The following TERB1 variants were observed in gnomAD, a reference collection of about 807,000 sequenced individuals.
TERB1 encodes telomere repeat binding bouquet formation protein 1, also known as telomere repeats-binding bouquet formation protein 1.
TERB1 carries 63 observed loss-of-function variants against 92.3 expected under a neutral mutation model. The ratio of observed to expected loss-of-function variants is 0.68; its 90% CI spans 0.56 to 0.84. The LOEUF (loss-of-function observed/expected upper bound fraction) is 0.84. Ranked by LOEUF, TERB1 falls within the 40% of genes least tolerant of loss-of-function variation. The pLI is 0.00. For missense variants in TERB1, 709 were observed against 843.7 expected (o/e 0.84, Z 1.98); for synonymous variants, 252 against 283.9 (o/e 0.89, Z 1.13).
chr16:66,773,064 C>T (rs2018480527), intron 12 of TERB1, among the ~76,000 whole-genome samples: 1 of 151,850 alleles, frequency 6.6e-6, no homozygotes, highest in African/African-American at 2.4e-5. Flanking sequence ...CACAGTGGCT[C>T]ACACTTGTAA....
At chr16:66,794,770 C>A (rs1346312549) in intron 3 of TERB1, among the ~76,000 whole-genome samples, 3 of 151,948 alleles carry the variant, frequency 2.0e-5, no homozygotes, top group African/African-American at 7.2e-5. Flanking sequence ...ATTAGCTGGG[C>A]GTGGTGGTGG....
At chr16:66,780,776 TA>T (rs965898230) in intron 9 of TERB1, among the ~76,000 whole-genome samples, 2 of 152,216 alleles carry the variant, frequency 1.3e-5, no homozygotes, top group Admixed American at 1.3e-4. Flanking sequence ...TATCACTCAT[TA>T]AAGTTGGCTT....
chr16:66,770,683 C>T (rs897355217), intron 13 of TERB1, among the ~76,000 whole-genome samples: 2 of 152,008 alleles, frequency 1.3e-5, no homozygotes, highest in Admixed American at 6.6e-5. Context: ...TAAAACAAAA[C>T]TAATATACTC....
chr16:66,792,366 A>G (rs1028886507), intron 3 of TERB1, among the ~76,000 whole-genome samples: 1 of 152,206 alleles, frequency 6.6e-6, no homozygotes, highest in Non-Finnish European at 1.5e-5. Flanking sequence ...AACCAGGTAT[A>G]AGACAGAGAT....
In TERB1 at chr16:66,796,808, T is replaced by C; in HGVS notation, c.-10A>G. The C allele has an allele frequency of 6.6e-7, 1 of 1,520,322 alleles. No homozygotes were observed. The highest frequency in any genetic ancestry group is 8.9e-7 in the Non-Finnish European group (1 of 1,119,332). 94.2% of individuals were successfully genotyped at this position (1,520,322 alleles called of 1,614,324 possible). On this transcript the variant is annotated 5_prime_UTR_variant, in exon 3 of 19. In the 5' UTR this introduces an upstream ATG that the reference lacks. Transcript: ENST00000433154. ...TGTCTTCACTTTCCATGCTTGTCTA[T>C]ATTCTTTTTCCTTATATTTTGTCTA...
intron 9 of TERB1, among the ~76,000 whole-genome samples, chr16:66,781,113 G>C (rs576168320): frequency 9.2e-5 from 14 of 152,286 alleles, no homozygotes; most frequent in African/African-American, 2.9e-4. Context: ...GTGCAGTAGC[G>C]TGATCGTGGC....
At chr16:66,788,762 T>G (rs572600188) in intron 5 of TERB1, among the ~76,000 whole-genome samples, 13 of 151,942 alleles carry the variant, frequency 8.6e-5, no homozygotes, top group Non-Finnish European at 1.3e-4. Context: ...CTGATAGTTT[T>G]TGTGTGTGTG....
intron 3 of TERB1, among the ~76,000 whole-genome samples, chr16:66,791,457 A>G (rs1308888290): frequency 1.3e-5 from 2 of 152,156 alleles, no homozygotes; most frequent in African/African-American, 2.4e-5. Flanking sequence ...AATTAAACCC[A>G]ATATAGGTAC....
Position 66,758,826 on chromosome 16 carries a change from G to C in TERB1, c.1943C>G (p.Thr648Ser). Residue 648 changes from threonine to serine, a missense_variant, in exon 18 of 19, where the codon ACC (threonine) becomes AGC (serine). Physicochemically the swap from Thr to Ser is moderately conservative, Grantham distance 58. Transcript: ENST00000433154. ...ACTGAGTCGTTGTCTTCTACGTGGGGTCAGCAGAATTTCTGAAAAATATGG... is the reference window on the plus strand; with the variant it reads ...ACTGAGTCGTTGTCTTCTACGTGGGCTCAGCAGAATTTCTGAAAAATATGG... ...SLICNKKILL[T>S]PRRRQRLSNE... 1 of 1,533,774 alleles carries C rather than the reference G, an allele frequency of 6.5e-7. No homozygotes were observed.
chr16:66,768,197 A>G, intron 14 of TERB1, 29 bp from the exon 15 acceptor site: 1 of 1,466,230 alleles, frequency 6.8e-7, no homozygotes, highest in Non-Finnish European at 9.3e-7. Flanking sequence ...CAGATTACTA[A>G]AAGTAAACAT....
At chr16:66,786,437 C>T (rs363163) in intron 6 of TERB1, among the ~76,000 whole-genome samples, 152 bp from the exon 7 acceptor site, 77,066 of 152,012 alleles carry the variant, frequency 0.51, 20,402 homozygotes, top group African/African-American at 0.64. Context: ...TAAAAATCTG[C>T]AATCAAGATT....
chr16:66,760,145 AAAAG>A (rs1275035290), intron 16 of TERB1, among the ~76,000 whole-genome samples: 5,719 of 98,452 alleles, frequency 0.058, 516 homozygotes, highest in African/African-American at 0.21. Context: ...AAAAAAAAAA[AAAAG>A]AAAAGAAAAG....
chr16:66,764,890 T>C (rs946239596), intron 16 of TERB1, among the ~76,000 whole-genome samples: 2 of 152,202 alleles, frequency 1.3e-5, no homozygotes, highest in African/African-American at 4.8e-5. Context: ...AGTGGGTATG[T>C]GCTGAGAACT....
chr16:66,774,837 C>A (rs1301276482), intron 12 of TERB1, among the ~76,000 whole-genome samples: 2 of 151,984 alleles, frequency 1.3e-5, no homozygotes, highest in African/African-American at 4.8e-5. Flanking sequence ...CAGGCATGTG[C>A]CACCATGCCC....
intron 18 of TERB1, chr16:66,758,381 A>G (rs363155): frequency 0.5 from 86,768 of 175,182 alleles, 22,603 homozygotes; most frequent in African/African-American, 0.64. Flanking sequence ...CATTAATAAT[A>G]AGACTGAGAA....
rs1388963431 is a variant in TERB1 at position 66,754,844 on chromosome 16, A to T, written c.*132T>A. 2 of 808,458 alleles carry T rather than the reference A, an allele frequency of 2.5e-6. No individual in the cohort carries two copies. Among genetic ancestry groups the T allele is most frequent in the Admixed American group, 3.1e-5 (1 of 32,600 alleles). The allele number at this position is 808,458 out of a possible 1,614,324, so 50.1% of individuals were successfully genotyped here. ...AATTTGATGAGTTTCAGCATCACAA[A>T]AACTGTTTAATGAAAACTGTATCCT... On this transcript the variant is annotated 3_prime_UTR_variant, in exon 19 of 19. Transcript: ENST00000433154.
intron 9 of TERB1, 73 bp from the exon 10 acceptor site, chr16:66,779,088 C>T (rs952862057): frequency 8.8e-6 from 10 of 1,141,830 alleles, no homozygotes; most frequent in Non-Finnish European, 1.2e-5. Flanking sequence ...AATAAATCTG[C>T]ATTAAATATA....
At chr16:66,775,036 A>AG (rs1264275139) in intron 12 of TERB1, 82 bp downstream of exon 12, 1 of 1,382,662 alleles carries the variant, frequency 7.2e-7, no homozygotes, top group East Asian at 2.5e-5. Context: ...TGAGAGCTAT[A>AG]GGGCCTTGGC....
intron 16 of TERB1, among the ~76,000 whole-genome samples, chr16:66,763,110 G>C (rs879363319): frequency 6.6e-6 from 1 of 151,350 alleles, no homozygotes; most frequent in African/African-American, 2.4e-5. Context: ...TTGGTTGTTG[G>C]AATCATGATC....
Sources: gnomAD v4.1 joint callset for allele counts (sites outside exome capture counted in the v4.1 genomes callset) on GRCh38, gnomAD v4.1.1 for gene constraint, MANE v1.5 for transcripts, NCBI Gene and HGNC (gene_info 2026-07-23, HGNC 2026-07-21) for gene names.